Variants in PLCH2 observed in about 807,000 individuals in gnomAD.
PLCH2 encodes the protein phospholipase C eta 2.
PLCH2 carries 98 observed loss-of-function variants against 134.7 expected under a neutral mutation model. That is an observed-to-expected ratio of 0.73 (90% CI 0.62 to 0.86). The LOEUF is 0.86. PLCH2 is among the 40% of genes least tolerant of loss of function. The pLI is 0.00. For synonymous variants in PLCH2, 974 were observed against 827.5 expected, an observed-to-expected ratio of 1.18 and a Z score of -3.04; for missense variants, 1,994 against 1,986.6, an observed-to-expected ratio of 1.00 and a Z score of -0.07.
intron 4 of PLCH2, among the ~76,000 whole-genome samples, 180 bp downstream of exon 4, chr1:2,480,492 T>TGGCA (rs1398072439): frequency 1.3e-5 from 2 of 152,204 alleles, no homozygotes; most frequent in Non-Finnish European, 2.9e-5. Flanking sequence ...CCACAGCCTA[T>TGGCA]GGCAGGCAGG....
chr1:2,502,298 G>T lies in PLCH2; in HGVS notation c.2848G>T (p.Gly950Cys). Residue 950 changes from glycine to cysteine, a missense_variant, in exon 21 of 22, where the codon GGT becomes TGT. Gly to Cys is a radical substitution (Grantham distance 159). This residue lies in a region of PLCH2 where 900 missense variants were observed against 752.3 expected (regional missense o/e 1.20). Transcript: ENST00000378486. Reference sequence around the variant, plus strand: ...CAGGGGCTTCCCGGAGCTGGTCCTGGGTACACGGGACACAGGCTCCAAGGG... The same window carrying T: ...CAGGGGCTTCCCGGAGCTGGTCCTGTGTACACGGGACACAGGCTCCAAGGG... ...GRRGFPELVL[G>C]TRDTGSKGVA... is the part of the protein sequence containing the mutation. 6.5e-7 allele frequency: 1 copy of T among 1,536,472 alleles called. No homozygotes were observed. The highest frequency in any genetic ancestry group is 8.8e-7 in the Non-Finnish European group (1 of 1,142,096).
At position 2,455,864 on chromosome 1, in the gene PLCH2, C is replaced by T. The variant is rs572922476; in HGVS notation, c.116-22612C>T. Among the ~76,000 whole-genome samples, 6 of 152,302 alleles carry T rather than the reference C, an allele frequency of 3.9e-5. No individual in the cohort carries two copies. In the East Asian group the frequency reaches 7.7e-4, roughly 20 times the overall value. ...TCTTCACCCTCCATACCTGTTGAGC[C>T]GTGCCGTGGGTGGAGGTGAGCATCC... On this transcript the variant is annotated intron_variant, in intron 2 of 3. Transcript: ENST00000609981.
At chr1:2,482,148 G>A (rs1642004400) in intron 4 of PLCH2, among the ~76,000 whole-genome samples, 1 of 152,262 alleles carries the variant, frequency 6.6e-6, no homozygotes, top group South Asian at 2.1e-4. Context: ...CCACGTGACT[G>A]TGTCAGGGGT....
At chr1:2,454,154 G>T (rs531486765) in intron 2 of PLCH2, among the ~76,000 whole-genome samples, 1 of 152,324 alleles carries the variant, frequency 6.6e-6, no homozygotes, top group South Asian at 2.1e-4. Context: ...TGGCCTCCCC[G>T]GGGCATGTCC....
upstream of PLCH2, among the ~76,000 whole-genome samples, chr1:2,424,709 C>T (rs533773030): frequency 3.4e-4 from 52 of 152,216 alleles, no homozygotes; most frequent in African/African-American, 1.2e-3. Context: ...AAAATTAGGC[C>T]GGGCGCGGTG....
intron 21 of PLCH2, chr1:2,503,345 G>A (rs1643343465): frequency 1.7e-6 from 1 of 582,228 alleles, no homozygotes; most frequent in Admixed American, 3.0e-5. Context: ...GCAGGCTCCA[G>A]GGGTCCCTAC....
At chr1:2,430,099 G>A (rs1479504929) in intron 1 of PLCH2, among the ~76,000 whole-genome samples, 1 of 152,138 alleles carries the variant, frequency 6.6e-6, no homozygotes, top group Non-Finnish European at 1.5e-5. Context: ...GGGTTTCAGG[G>A]CAGGGTCCTG....
chr1:2,479,428 G>A (rs545348961), intron 2 of PLCH2: 8 of 308,578 alleles, frequency 2.6e-5, no homozygotes, highest in Middle Eastern at 1.0e-3. Flanking sequence ...CTGGTTAAAC[G>A]TGGAGCCCCG....
Position 2,489,821 on chromosome 1 carries a change from A to G in PLCH2, c.1469A>G (p.Asp490Gly). ...GAGGAAGGCGAGGTGTCTGATGAGG[A>G]CAGTGCTGATGAGATTGACGATGAC... ...DAEEGEVSDEDSADEIDDDCK... is the reference protein window; with the variant it reads ...DAEEGEVSDEGSADEIDDDCK... Residue 490 changes from aspartate to glycine, a missense_variant, in exon 10 of 22, where the codon GAC becomes GGC. Transcript: ENST00000378486. 3 of 1,613,770 alleles carry G rather than the reference A, an allele frequency of 1.9e-6. No homozygotes were observed. The highest frequency in any genetic ancestry group is 2.5e-6 in the Non-Finnish European group (3 of 1,179,828).
At chr1:2,474,527 C>T (rs1641511939), upstream of PLCH2, among the ~76,000 whole-genome samples, 3 of 152,054 alleles carry the variant, frequency 2.0e-5, no homozygotes, top group Non-Finnish European at 4.4e-5. Context: ...CTATGTGTGG[C>T]TCCTCTCAGA....
At position 2,494,874 on chromosome 1, in the gene PLCH2, G is replaced by C. The variant is rs79885852; in HGVS notation, c.1678G>C (p.Val560Leu). The change falls in exon 12 of 22, where the codon GTG (valine) becomes CTG (leucine). Residue 560 changes from valine to leucine, a missense_variant. Physicochemically the swap from Val to Leu is conservative, Grantham distance 32. Transcript: ENST00000378486. Reference protein sequence around the residue: ...LGRKSKAEEDVESGEDAGASR... With the variant: ...LGRKSKAEEDLESGEDAGASR... Reference sequence around the variant, plus strand: ...GACTCAGAGCAAGGCTGAAGAGGACGTGGAGTCTGGGGAGGATGCCGGGGC... The same window carrying C: ...GACTCAGAGCAAGGCTGAAGAGGACCTGGAGTCTGGGGAGGATGCCGGGGC... 7 of 1,605,930 alleles carry C rather than the reference G, an allele frequency of 4.4e-6. No homozygotes were observed. The Admixed American group carries it at 1.2e-4, about 27-fold the overall frequency.
chr1:2,436,088 TC>T, intron 2 of PLCH2, among the ~76,000 whole-genome samples: 1 of 70,950 alleles, frequency 1.4e-5, no homozygotes, highest in Non-Finnish European at 2.8e-5. Context: ...TCCTCCCTCT[TC>T]CCCTCCTCTC....
At chr1:2,427,697 C>T (rs1638865349) in intron 1 of PLCH2, among the ~76,000 whole-genome samples, 1 of 152,166 alleles carries the variant, frequency 6.6e-6, no homozygotes, top group Admixed American at 6.5e-5. Flanking sequence ...TCCGGTACCT[C>T]TGCTGGGAGC....
chr1:2,467,540 G>C (rs1181485092), exon 1 of PLCH2: 1 of 399,294 alleles, frequency 2.5e-6, no homozygotes, highest in Non-Finnish European at 4.4e-6. Context: ...TCGGGCTGGG[G>C]CTCAGGGGAC....
intron 10 of PLCH2, 112 bp from the exon 11 acceptor site, chr1:2,491,080 A>G: frequency 3.7e-6 from 4 of 1,066,880 alleles, no homozygotes; most frequent in Non-Finnish European, 5.3e-6. Flanking sequence ...GGTGAATCAC[A>G]CGCCTTCCCT....
At chr1:2,484,877 G>A (rs1457782133) in intron 5 of PLCH2, among the ~76,000 whole-genome samples, 1 of 152,180 alleles carries the variant, frequency 6.6e-6, no homozygotes, top group East Asian at 1.9e-4. Flanking sequence ...GGGCAGCCAA[G>A]CAGGTAGGGA....
intron 2 of PLCH2, among the ~76,000 whole-genome samples, chr1:2,433,709 A>T (rs555468240): frequency 2.0e-5 from 3 of 152,074 alleles, no homozygotes; most frequent in Middle Eastern, 3.4e-3. Flanking sequence ...CTCAGAGGAG[A>T]TGCTTTGGAA....
At chr1:2,454,876 C>T (rs757306947) in intron 2 of PLCH2, among the ~76,000 whole-genome samples, 27 of 152,134 alleles carry the variant, frequency 1.8e-4, no homozygotes, top group South Asian at 1.0e-3. Context: ...AGGTGGCTCG[C>T]GGCTCAGGAG....
chr1:2,502,799 C>T (rs762000676), intron 21 of PLCH2: 70 of 716,806 alleles, frequency 9.8e-5, no homozygotes, highest in Middle Eastern at 2.3e-4. Flanking sequence ...AAGGTCCCCC[C>T]GCTGGCCTGA....
Sources: allele counts gnomAD v4.1 joint callset (sites outside exome capture counted in the v4.1 genomes callset), GRCh38; gene constraint gnomAD v4.1.1; regional missense constraint gnomAD v4.1.1; transcripts MANE v1.5; gene names NCBI Gene and HGNC (gene_info 2026-07-23, HGNC 2026-07-21).